PCDHGA6: variants seen among roughly 807,000 people sequenced by gnomAD.
PCDHGA6 encodes the protein protocadherin gamma subfamily A, 6.
A neutral mutation model predicts 60.6 loss-of-function variants in PCDHGA6; 41 were observed. The observed-to-expected ratio is 0.68, with a 90% CI of 0.53 to 0.88. PCDHGA6 has a LOEUF of 0.88. Among genes scored for constraint, PCDHGA6 ranks in the 40% least tolerant of loss-of-function variants. The pLI is 0.00. For missense variants in PCDHGA6, 1,312 were observed against 1,203.0 expected (o/e 1.09, Z -1.34); for synonymous variants, 594 against 524.4 (o/e 1.13, Z -1.81).
chr5:141,419,698 G>A, intron 1 of PCDHGA6: 1 of 1,612,978 alleles, frequency 6.2e-7, no homozygotes, highest in Non-Finnish European at 8.5e-7. Context: ...AGGCCAGTGA[G>A]CCCGGGCTCT....
chr5:141,402,996 T>G, intron 1 of PCDHGA6: 3 of 1,613,890 alleles, frequency 1.9e-6, no homozygotes, highest in Non-Finnish European at 1.7e-6. Context: ...AGATTAGTCC[T>G]GCTATGCTCG....
intron 1 of PCDHGA6, among the ~76,000 whole-genome samples, chr5:141,438,591 CATATATATATATATATATAT>C (rs946798767): frequency 2.1e-4 from 16 of 75,572 alleles, no homozygotes; most frequent in Middle Eastern, 0.016. Context: ...TACATACATA[CATATATATATATATATATAT>C]ATATATATAT....
At chr5:141,383,101 T>G (rs1561594429) in intron 1 of PCDHGA6, 2 of 1,613,954 alleles carry the variant, frequency 1.2e-6, no homozygotes, top group Non-Finnish European at 1.7e-6. Flanking sequence ...CCGCATCATC[T>G]CCAGAGGTAG....
At chr5:141,419,620 G>C in intron 1 of PCDHGA6, 1 of 1,612,304 alleles carries the variant, frequency 6.2e-7, no homozygotes, top group Non-Finnish European at 8.5e-7. Context: ...CAGGCTACCT[G>C]GTGACCAAGG....
intron 1 of PCDHGA6, among the ~76,000 whole-genome samples, chr5:141,447,640 G>A (rs184184100): frequency 6.6e-6 from 1 of 152,198 alleles, no homozygotes; most frequent in Admixed American, 6.5e-5. Flanking sequence ...TATGAATGAT[G>A]GTAGAATTTT....
At position 141,477,632 on chromosome 5, in the gene PCDHGA6, G is replaced by A. The variant is rs1262622928; in HGVS notation, c.2425-17175G>A. Reference sequence around the variant, plus strand: ...GGAGCAAGGAGCTGAAACCGGGCTAGTGGGTCGCTATTTCACAATAAATCG... The same window carrying A: ...GGAGCAAGGAGCTGAAACCGGGCTAATGGGTCGCTATTTCACAATAAATCG... On this transcript the variant is annotated intron_variant, in intron 1 of 3. Coordinates refer to ENST00000517434, the MANE Select transcript of PCDHGA6 (RefSeq NM_018919.3). This position sits in a 1 kb window ranked among gnomAD's most constrained non-coding sequence, Gnocchi z 4.9. 6.8e-6 allele frequency: 11 copies of A among 1,614,218 alleles called. No homozygotes were observed. Among genetic ancestry groups the A allele is most frequent in the Non-Finnish European group, 9.3e-6 (11 of 1,180,046 alleles).
At chr5:141,397,961 G>A in intron 1 of PCDHGA6, 1 of 1,038,400 alleles carries the variant, frequency 9.6e-7, no homozygotes, top group Non-Finnish European at 1.4e-6. Context: ...CCCCAGCTCA[G>A]ACTCCCCAGC....
At chr5:141,386,658 G>A (rs191902245) in intron 1 of PCDHGA6, among the ~76,000 whole-genome samples, 60 of 151,932 alleles carry the variant, frequency 3.9e-4, no homozygotes, top group African/African-American at 1.4e-3. Context: ...TACAAGTTCT[G>A]CAGTGTTCAC....
intron 1 of PCDHGA6, chr5:141,415,740 G>GTTTTTTTTTTTTTTTTTTTTTTTTT: frequency 1.8e-5 from 11 of 617,990 alleles, no homozygotes; most frequent in Non-Finnish European, 2.4e-5. Context: ...GTTTATTAAG[G>GTTTTTTTTTTTTTTTTTTTTTTTTT]TTTTTTTTTT....
chr5:141,399,697 T>C, intron 1 of PCDHGA6: 1 of 1,613,436 alleles, frequency 6.2e-7, no homozygotes. Context: ...GCTGCGCACC[T>C]TCGAACTCAC....
chr5:141,502,868 T>TTTTTTTTTC (rs1298099288), intron 2 of PCDHGA6, among the ~76,000 whole-genome samples: 1 of 147,026 alleles, frequency 6.8e-6, no homozygotes, highest in Non-Finnish European at 1.5e-5. Flanking sequence ...CTCTCTGTCT[T>TTTTTTTTTC]TTTTTTTTTT....
intron 1 of PCDHGA6, chr5:141,415,653 G>C (rs947379829): frequency 1.4e-5 from 22 of 1,539,304 alleles, no homozygotes; most frequent in Non-Finnish European, 1.9e-5. Context: ...AAAAAAAAAA[G>C]ATTGGTTTTT....
At chr5:141,424,171 C>A in intron 1 of PCDHGA6, 1 of 226,338 alleles carries the variant, frequency 4.4e-6, no homozygotes, top group Non-Finnish European at 8.0e-6. Flanking sequence ...ATCTATCTAT[C>A]TATACACATG....
At chr5:141,457,878 C>A (rs1263626843) in intron 1 of PCDHGA6, among the ~76,000 whole-genome samples, 1 of 152,190 alleles carries the variant, frequency 6.6e-6, no homozygotes, top group East Asian at 1.9e-4. Context: ...GGTTAGGAAC[C>A]CTGTGTGGGG....
intron 1 of PCDHGA6, chr5:141,394,247 C>A (rs1414649061): frequency 1.2e-6 from 2 of 1,613,854 alleles, no homozygotes; most frequent in African/African-American, 1.3e-5. Flanking sequence ...CTGCACACGA[C>A]CCCGACAGCC....
At chr5:141,478,239 C>G in intron 1 of PCDHGA6, 1 of 1,614,132 alleles carries the variant, frequency 6.2e-7, no homozygotes. Flanking sequence ...TTTGTGGTCA[C>G]AGTGTTCGGA....
At position 141,478,736 on chromosome 5, in the gene PCDHGA6, T is replaced by G; in HGVS notation, c.2425-16071T>G. On this transcript the variant is annotated intron_variant, in intron 1 of 3. Coordinates refer to ENST00000517434, the MANE Select transcript of PCDHGA6 (RefSeq NM_018919.3). Reference sequence around the variant, plus strand: ...TGGTGGCCTGCCAGAGTGTGGTTTGTGGTCCCATTTCAGGGGGAAGATACT... The same window carrying G: ...TGGTGGCCTGCCAGAGTGTGGTTTGGGGTCCCATTTCAGGGGGAAGATACT... 5 of 1,534,796 alleles carry G rather than the reference T, an allele frequency of 3.3e-6. No homozygotes were observed. In the South Asian group the frequency reaches 6.2e-5, roughly 19 times the overall value.
At chr5:141,389,325 C>A (rs368804822) in intron 1 of PCDHGA6, 3 of 1,614,004 alleles carry the variant, frequency 1.9e-6, no homozygotes, top group Non-Finnish European at 2.5e-6. Flanking sequence ...GGACTTGGGG[C>A]CCAACGGCCA....
At chr5:141,500,721 ATG>A (rs1209024560) in intron 2 of PCDHGA6, among the ~76,000 whole-genome samples, 1 of 152,088 alleles carries the variant, frequency 6.6e-6, no homozygotes, top group African/African-American at 2.4e-5. Context: ...GAATTTCCCC[ATG>A]TCTTTCAAAA....
Sources: allele counts gnomAD v4.1 joint callset (sites outside exome capture counted in the v4.1 genomes callset), GRCh38; gene constraint gnomAD v4.1.1; non-coding constraint Gnocchi (gnomAD v3.1); transcripts MANE v1.5; gene names NCBI Gene and HGNC (gene_info 2026-07-23, HGNC 2026-07-21).